PFDN1: variants seen among roughly 807,000 people sequenced by gnomAD.
The protein encoded by PFDN1 is prefoldin 1.
PFDN1 carries 6 observed loss-of-function variants against 17.3 expected under a neutral mutation model. The ratio of observed to expected loss-of-function variants is 0.35; its 90% CI spans 0.19 to 0.69. The LOEUF is 0.69. Among genes scored for constraint, PFDN1 ranks in the 30% least tolerant of loss-of-function variants. The pLI, the probability that PFDN1 is intolerant of heterozygous loss-of-function variation, is 0.65. For synonymous variants in PFDN1, 58 were observed against 50.1 expected (o/e 1.16, Z -0.67); for missense variants, 113 against 146.2 (o/e 0.77, Z 1.17).
At chr5:140,280,115 T>C (rs1481789119) in intron 3 of PFDN1, among the ~76,000 whole-genome samples, 1 of 151,822 alleles carries the variant, frequency 6.6e-6, no homozygotes, top group Non-Finnish European at 1.5e-5. Flanking sequence ...AACAATTTAA[T>C]ATATATCCTT....
intron 3 of PFDN1, among the ~76,000 whole-genome samples, chr5:140,247,041 AT>A (rs1278479355): frequency 2.0e-5 from 3 of 152,182 alleles, no homozygotes; most frequent in Non-Finnish European, 2.9e-5. Context: ...GCACCTGTTG[AT>A]TCTGTTCCAC....
At chr5:140,280,311 T>G (rs1765380879) in intron 3 of PFDN1, among the ~76,000 whole-genome samples, 1 of 152,200 alleles carries the variant, frequency 6.6e-6, no homozygotes, top group African/African-American at 2.4e-5. Context: ...AAGATACTTT[T>G]GTTTCTTATG....
At chr5:140,283,225 G>A (rs1393229070) in intron 2 of PFDN1, among the ~76,000 whole-genome samples, 4 of 152,110 alleles carry the variant, frequency 2.6e-5, no homozygotes, top group East Asian at 1.9e-4. Context: ...ATCCTAATGC[G>A]GCCAGCCCAG....
At chr5:140,277,119 G>A (rs1191452490) in intron 3 of PFDN1, among the ~76,000 whole-genome samples, 1 of 151,930 alleles carries the variant, frequency 6.6e-6, no homozygotes, top group Non-Finnish European at 1.5e-5. Flanking sequence ...CTACTCAGGA[G>A]GCTGAGGCAG....
In PFDN1 at chr5:140,267,665, T is replaced by C. The variant is rs187935851; in HGVS notation, c.285+13784A>G. On this transcript the variant is annotated intron_variant, in intron 3 of 3. Transcript: ENST00000261813. ...CTTAGAACCACCTCCCGCTTATTTGTTATTTTTAGCAATTCAGTCCGACAA... is the reference window on the plus strand; with the variant it reads ...CTTAGAACCACCTCCCGCTTATTTGCTATTTTTAGCAATTCAGTCCGACAA... 5.3e-5 allele frequency among the ~76,000 whole-genome samples: 8 copies of C among 152,268 alleles called. No homozygotes were observed. In the East Asian group the frequency reaches 5.8e-4, roughly 11 times the overall value.
chr5:140,278,557 C>CAAAAAAAAAAAAAA (rs113129230), intron 3 of PFDN1, among the ~76,000 whole-genome samples: 27 of 79,012 alleles, frequency 3.4e-4, no homozygotes, highest in Non-Finnish European at 4.8e-4. Context: ...GACTCTGTCT[C>CAAAAAAAAAAAAAA]AAAAAAAAAA....
chr5:140,286,846 C>G (rs1408068501), intron 2 of PFDN1, among the ~76,000 whole-genome samples: 1 of 152,010 alleles, frequency 6.6e-6, no homozygotes, highest in African/African-American at 2.4e-5. Flanking sequence ...CTCAGGGGAT[C>G]CAACCGCCTC....
chr5:140,281,316 T>C, intron 3 of PFDN1, 133 bp downstream of exon 3: 1 of 586,544 alleles, frequency 1.7e-6, no homozygotes, highest in South Asian at 2.1e-5. Flanking sequence ...GCTTCACGGC[T>C]CCAACGTAAT....
intron 3 of PFDN1, among the ~76,000 whole-genome samples, chr5:140,249,636 G>A (rs1232035757): frequency 6.6e-6 from 1 of 152,186 alleles, no homozygotes; most frequent in Non-Finnish European, 1.5e-5. Context: ...CCACAGGTCT[G>A]CAGGCTATAC....
chr5:140,262,080 G>T (rs1386004370), intron 3 of PFDN1, among the ~76,000 whole-genome samples: 1 of 152,088 alleles, frequency 6.6e-6, no homozygotes, highest in Non-Finnish European at 1.5e-5. Context: ...AATGACACTG[G>T]AGTAATAAAA....
At chr5:140,247,625 T>C (rs1480628488) in intron 3 of PFDN1, among the ~76,000 whole-genome samples, 13 of 152,198 alleles carry the variant, frequency 8.5e-5, no homozygotes, top group Admixed American at 8.5e-4. Flanking sequence ...GAGAATTCCT[T>C]GGAACACAAC....
At chr5:140,280,287 T>C (rs1283975995) in intron 3 of PFDN1, among the ~76,000 whole-genome samples, 4 of 152,148 alleles carry the variant, frequency 2.6e-5, no homozygotes, top group African/African-American at 9.7e-5. Flanking sequence ...GAAATGATTC[T>C]GTTTGGGTTT....
chr5:140,300,751 A>G (rs902752705), intron 1 of PFDN1, among the ~76,000 whole-genome samples, 169 bp from the exon 2 acceptor site: 25 of 152,252 alleles, frequency 1.6e-4, no homozygotes, highest in African/African-American at 6.0e-4. Context: ...ACCATACTAA[A>G]TACTGAATTT....
In PFDN1 at chr5:140,280,709, C is replaced by G. The variant is rs893292839; in HGVS notation, c.285+740G>C. Among the ~76,000 whole-genome samples, 14 of 152,288 alleles carry G rather than the reference C, an allele frequency of 9.2e-5. No individual in the cohort carries two copies. In the East Asian group the frequency reaches 2.7e-3, roughly 29 times the overall value. On this transcript the variant is annotated intron_variant, in intron 3 of 3. Transcript: ENST00000261813. Reference sequence around the variant, plus strand: ...AAATGACCTATGAAGTCAATGTATCCACCCACATGTTGGGAAATCTTGGTC... The same window carrying G: ...AAATGACCTATGAAGTCAATGTATCGACCCACATGTTGGGAAATCTTGGTC...
chr5:140,262,472 A>G, intron 3 of PFDN1: 1 of 453,532 alleles, frequency 2.2e-6, no homozygotes, highest in Admixed American at 2.4e-5. Flanking sequence ...AGTTCATGAG[A>G]TGGCTTCACA....
At chr5:140,277,900 G>C (rs1765321003) in intron 3 of PFDN1, among the ~76,000 whole-genome samples, 1 of 152,082 alleles carries the variant, frequency 6.6e-6, no homozygotes, top group South Asian at 2.1e-4. Flanking sequence ...CAAGTCAGTA[G>C]AATGGTTATC....
intron 2 of PFDN1, among the ~76,000 whole-genome samples, chr5:140,285,549 G>T (rs1561513179): frequency 6.6e-6 from 1 of 151,738 alleles, no homozygotes; most frequent in Non-Finnish European, 1.5e-5. Context: ...AAAACTTTAT[G>T]GCACATCCAC....
chr5:140,280,014 C>CCAAGAAAAAAAAAAAAAA (rs1335205089), intron 3 of PFDN1, among the ~76,000 whole-genome samples: 1 of 99,112 alleles, frequency 1.0e-5, no homozygotes, highest in Admixed American at 1.1e-4. Flanking sequence ...AAAAAAAAAA[C>CCAAGAAAAAAAAAAAAAA]AAAAAAAGAA....
intron 3 of PFDN1, among the ~76,000 whole-genome samples, chr5:140,266,822 G>A (rs1424397648): frequency 6.6e-6 from 1 of 152,260 alleles, no homozygotes; most frequent in African/African-American, 2.4e-5. Context: ...TTACAAGCAA[G>A]TACTAGACTG....
Sources: gnomAD v4.1 joint callset for allele counts (sites outside exome capture counted in the v4.1 genomes callset) on GRCh38, gnomAD v4.1.1 for gene constraint, MANE v1.5 for transcripts, NCBI Gene and HGNC (gene_info 2026-07-23, HGNC 2026-07-21) for gene names.